Variants in CA4 observed in about 807,000 individuals in gnomAD.
CA4 encodes carbonic anhydrase 4.
CA4 carries 24 observed loss-of-function variants against 34.5 expected under a neutral mutation model. That is an observed-to-expected ratio of 0.70 (90% confidence interval 0.50 to 0.98). CA4 has a LOEUF of 0.98. Ranked by LOEUF, CA4 falls within the 50% of genes least tolerant of loss-of-function variation. The probability of loss-of-function intolerance (pLI) is 0.00; values close to 1 mark genes in which losing one functional copy is unlikely to be tolerated. For missense variants in CA4, 394 were observed against 396.7 expected, an observed-to-expected ratio of 0.99 and a Z score of 0.06; for synonymous variants, 178 against 170.6, an observed-to-expected ratio of 1.04 and a Z score of -0.34.
At chr17:60,150,326 C>T (rs1339246294) in intron 1 of CA4, among the ~76,000 whole-genome samples, 1 of 152,124 alleles carries the variant, frequency 6.6e-6, no homozygotes, top group Non-Finnish European at 1.5e-5. Flanking sequence ...CGGGTGTGCG[C>T]GGTGAGGGTG....
chr17:60,159,862 G>A (rs577494987), downstream of CA4, among the ~76,000 whole-genome samples: 1 of 152,292 alleles, frequency 6.6e-6, no homozygotes, highest in Admixed American at 6.5e-5. Flanking sequence ...GGTTGGGGCC[G>A]GGCATAGTGA....
intron 5 of CA4, among the ~76,000 whole-genome samples, chr17:60,169,262 A>AAGCAGCAGCAGCAGCAGCAGC (rs75260260): frequency 8.0e-5 from 12 of 149,770 alleles, no homozygotes; most frequent in Admixed American, 2.6e-4. Flanking sequence ...AAAAAAAAAA[A>AAGCAGCAGCAGCAGCAGCAGC]AGCAGCAGCA....
chr17:60,162,245 C>CT (rs1423775125), downstream of CA4, among the ~76,000 whole-genome samples: 1 of 152,308 alleles, frequency 6.6e-6, no homozygotes, highest in East Asian at 1.9e-4. Flanking sequence ...ACCCCGGGCA[C>CT]TGGCCCCCAC....
Position 60,158,164 on chromosome 17 carries a change from G to C in CA4, c.580+37G>C, listed in dbSNP as rs758764600. The C allele has an allele frequency of 1.2e-5, 19 of 1,611,910 alleles. No individual in the cohort carries two copies. The African/African-American group carries it at 1.3e-4, about 11-fold the overall frequency. ...TGGGGGAGAAGGGCTTGGGGTGAGG[G>C]GGGGGATTCCTCCCACAAAGGAAGG... On this transcript the variant is annotated intron_variant, in intron 6 of 7. Coordinates refer to ENST00000300900, the MANE Select transcript of CA4 (RefSeq NM_000717.5).
At chr17:60,161,896 G>A (rs1297953786), downstream of CA4, among the ~76,000 whole-genome samples, 1 of 152,080 alleles carries the variant, frequency 6.6e-6, no homozygotes, top group Non-Finnish European at 1.5e-5. Flanking sequence ...GGGCTCTGAG[G>A]TCAGAATGGC....
At chr17:60,175,598 G>A (rs1161453322), downstream of CA4, among the ~76,000 whole-genome samples, 18 of 140,588 alleles carry the variant, frequency 1.3e-4, no homozygotes, top group African/African-American at 3.5e-4. Context: ...GAACCTAGGA[G>A]TTGGAGTTTG....
chr17:60,155,187 C>T, intron 1 of CA4, 127 bp from the exon 2 acceptor site: 3 of 815,296 alleles, frequency 3.7e-6, no homozygotes, highest in Non-Finnish European at 6.2e-6. Flanking sequence ...ATCCTGCTGC[C>T]AGGAACACTC....
rs190458249 is a variant in CA4 at position 60,151,446 on chromosome 17, G to A, written c.58+1354G>A. The A allele has an allele frequency of 2.6e-5, 4 of 152,312 alleles. No homozygotes were observed. In the East Asian group the frequency reaches 7.7e-4, roughly 29 times the overall value. 9.4% of individuals were successfully genotyped at this position (152,312 alleles called of 1,614,324 possible). ...TGTGGAAACTTTTATTTGTAGGGTT[G>A]GACATTGGAAACCTACTAAGCAGCT... is the stretch of plus-strand genomic sequence containing the variant. On this transcript the variant is annotated intron_variant, in intron 1 of 7. Transcript: ENST00000300900.
At chr17:60,176,648 TA>T in the CA4 span, among the ~76,000 whole-genome samples, 3 of 152,260 alleles carry the variant, frequency 2.0e-5, no homozygotes, top group South Asian at 6.2e-4. Context: ...TTCCCTGCCA[TA>T]ACTTTCTAAA....
Position 60,149,979 on chromosome 17 carries a change from G to T in CA4, c.-56G>T, listed in dbSNP as rs879762600. The T allele has an allele frequency of 3.5e-6, 5 of 1,434,188 alleles. No homozygotes were observed. In the Admixed American group the frequency reaches 7.0e-5, roughly 20 times the overall value. 88.8% of individuals were successfully genotyped at this position (1,434,188 alleles called of 1,614,324 possible). On this transcript the variant is annotated 5_prime_UTR_variant, in exon 1 of 8. Coordinates refer to ENST00000300900, the MANE Select transcript of CA4 (RefSeq NM_000717.5). Reference sequence around the variant, plus strand: ...AGGCCGGCAGGATCGCTGCACCCGCGGCGGCCTCCTCGGTGCGCGACCCCC... The same window carrying T: ...AGGCCGGCAGGATCGCTGCACCCGCTGCGGCCTCCTCGGTGCGCGACCCCC...
chr17:60,167,306 G>A (rs147907248), intron 5 of CA4, among the ~76,000 whole-genome samples: 2 of 152,290 alleles, frequency 1.3e-5, no homozygotes, highest in South Asian at 2.1e-4. Flanking sequence ...GCCCTGGAGC[G>A]CTCTCCCCCA....
intron 5 of CA4, among the ~76,000 whole-genome samples, chr17:60,169,532 A>T (rs1449791006): frequency 2.6e-5 from 4 of 152,008 alleles, no homozygotes; most frequent in African/African-American, 9.7e-5. Context: ...CTCTGTCACC[A>T]GGCTGGAGTG....
At chr17:60,158,230 A>G in intron 6 of CA4, 53 bp from the exon 7 acceptor site, 1 of 1,606,416 alleles carries the variant, frequency 6.2e-7, no homozygotes, top group Non-Finnish European at 8.5e-7. Context: ...GTGCAGGGGA[A>G]GAGGGGCTCC....
chr17:60,160,486 G>A (rs184441939), downstream of CA4, among the ~76,000 whole-genome samples: 8 of 151,840 alleles, frequency 5.3e-5, no homozygotes, highest in African/African-American at 1.2e-4. Flanking sequence ...GCAGGGGGCC[G>A]GGCGCAGTGG....
chr17:60,172,781 T>G (rs944697981), downstream of CA4, among the ~76,000 whole-genome samples: 4 of 150,472 alleles, frequency 2.7e-5, no homozygotes, highest in African/African-American at 9.8e-5. Flanking sequence ...GAGGTGGAGG[T>G]TTCAGTGAGC....
intron 7 of CA4, 133 bp downstream of exon 7, chr17:60,158,579 G>T (rs771080983): frequency 2.0e-5 from 17 of 849,090 alleles, no homozygotes; most frequent in Non-Finnish European, 3.0e-5. Context: ...GTTAATCATC[G>T]ACATTCACTG....
rs1458635763 is a variant in CA4, at chr17:60,150,027, C to A, written c.-8C>A. On this transcript the variant is annotated 5_prime_UTR_variant, in exon 1 of 8. Coordinates refer to ENST00000300900, the MANE Select transcript of CA4 (RefSeq NM_000717.5). ...CCCGGCTCAGAGGACTCTTTGCTGT[C>A]CCGCAAGATGCGGATGCTGCTGGCG... The A allele has an allele frequency of 1.9e-6, 3 of 1,602,136 alleles. No individual in the cohort carries two copies. Among genetic ancestry groups the A allele is most frequent in the South Asian group, 2.2e-5 (2 of 90,850 alleles).
chr17:60,159,059 A>C (rs1228262006), intron 7 of CA4, 171 bp from the exon 8 acceptor site: 1 of 670,728 alleles, frequency 1.5e-6, no homozygotes, highest in Non-Finnish European at 2.7e-6. Context: ...CACGCACCTC[A>C]TTTACATCCC....
chr17:60,158,343 T>C lies in CA4; in HGVS notation c.641T>C (p.Leu214Pro), dbSNP rs2083732843. 4 of 1,613,992 alleles carry C rather than the reference T, an allele frequency of 2.5e-6. No homozygotes were observed. The South Asian group carries it at 4.4e-5, about 18-fold the overall frequency. Residue 214 changes from leucine (L) to proline (P), a missense_variant, in exon 7 of 8, where the codon CTG (leucine) becomes CCG (proline). Physicochemically the swap from Leu to Pro is moderately conservative, Grantham distance 98. Transcript: ENST00000300900. Reference protein sequence around the residue: ...LLDLLPKEEKLRHYFRYLGSL... With the variant: ...LLDLLPKEEKPRHYFRYLGSL... ...GACCTGCTCCCCAAGGAGGAGAAAC[T>C]GAGGCACTACTTCCGCTACCTGGGC...
Sources: allele counts gnomAD v4.1 joint callset (sites outside exome capture counted in the v4.1 genomes callset), GRCh38; gene constraint gnomAD v4.1.1; transcripts MANE v1.5; gene names NCBI Gene and HGNC (gene_info 2026-07-23, HGNC 2026-07-21).